Variants in MACF1 observed in about 807,000 individuals in gnomAD.
The protein encoded by MACF1 is microtubule-actin cross-linking factor 1.
A neutral mutation model predicts 854.8 loss-of-function variants in MACF1; 193 were observed. The observed-to-expected ratio is 0.23, with a 90% confidence interval of 0.20 to 0.25. The LOEUF (loss-of-function observed/expected upper bound fraction) is 0.25. Ranked by LOEUF, MACF1 falls within the 10% of genes least tolerant of loss-of-function variation. The probability of loss-of-function intolerance (pLI) is 1.00; values close to 1 mark genes in which losing one functional copy is unlikely to be tolerated. For missense variants in MACF1, 7,722 were observed against 8,929.1 expected, an observed-to-expected ratio of 0.86 and a Z score of 5.45; for synonymous variants, 3,185 against 3,226.7, an observed-to-expected ratio of 0.99 and a Z score of 0.44.
chr1:39,232,754 T>TG (rs1553174803), intron 2 of MACF1, among the ~76,000 whole-genome samples: 3 of 58,432 alleles, frequency 5.1e-5, no homozygotes, highest in South Asian at 1.8e-3. Flanking sequence ...TTGTTTTTTT[T>TG]TTTTTTTTTT....
Position 39,388,495 on chromosome 1 carries a change from C to T in MACF1, c.15653C>T (p.Ala5218Val), listed in dbSNP as rs774992476. The T allele has an allele frequency of 2.5e-6, 4 of 1,614,136 alleles. No homozygotes were observed. Among genetic ancestry groups the T allele is most frequent in the Non-Finnish European group, 8.5e-7 (1 of 1,180,018 alleles). The stretch of plus-strand genomic sequence containing the variant: ...GGCAAACTGACAGAGAGGGGGAAAG[C>T]TCGTCAGGAACAGCTGGAACTGACA... ...QCGKLTERGKARQEQLELTLG... is the reference protein window; with the variant it reads ...QCGKLTERGKVRQEQLELTLG... The change falls in exon 58 of 101, where the codon GCT (alanine) becomes GTT (valine). Residue 5218 changes from alanine to valine, a missense_variant. Ala to Val is a moderately conservative substitution (Grantham distance 64, BLOSUM62 0). Transcript: ENST00000564288.
chr1:39,155,951 G>A (rs1364440603), intron 2 of MACF1, among the ~76,000 whole-genome samples: 3 of 151,628 alleles, frequency 2.0e-5, no homozygotes, highest in Admixed American at 6.6e-5. Context: ...GCAGTGGCGC[G>A]ATCTAGGCTC....
At chr1:39,143,593 G>A (rs542317677) in intron 2 of MACF1, among the ~76,000 whole-genome samples, 17 of 152,176 alleles carry the variant, frequency 1.1e-4, no homozygotes, top group African/African-American at 3.4e-4. Context: ...GTTATTTGCA[G>A]ACCCCAACTT....
chr1:39,432,702 A>G, intron 67 of MACF1, 48 bp downstream of exon 67: 1 of 1,563,098 alleles, frequency 6.4e-7, no homozygotes, highest in Non-Finnish European at 8.7e-7. Context: ...AGTAACTTAG[A>G]GTGACTAGGA....
At chr1:39,419,453 CATTTCAG>C (rs1324213982) in intron 58 of MACF1, among the ~76,000 whole-genome samples, 1 of 152,132 alleles carries the variant, frequency 6.6e-6, no homozygotes, top group African/African-American at 2.4e-5. Context: ...CTCATTGGAG[CATTTCAG>C]ATTTCAGATT....
intron 2 of MACF1, among the ~76,000 whole-genome samples, chr1:39,197,274 G>T (rs985844556): frequency 1.3e-5 from 2 of 151,596 alleles, no homozygotes; most frequent in Non-Finnish European, 2.9e-5. Flanking sequence ...CTGCAGATAG[G>T]CAGGCTTTTT....
chr1:39,287,195 AT>A (rs1645662064), intron 14 of MACF1, 90 bp from the exon 15 acceptor site: 2 of 1,348,282 alleles, frequency 1.5e-6, no homozygotes, highest in African/African-American at 3.0e-5. Context: ...TATTTTTATC[AT>A]ATCTTTGTCA....
intron 80 of MACF1, among the ~76,000 whole-genome samples, chr1:39,446,401 C>A (rs1425243112): frequency 2.0e-5 from 3 of 151,412 alleles, no homozygotes; most frequent in Non-Finnish European, 4.4e-5. Context: ...ATATTAATTT[C>A]TAAACATTTC....
At position 39,209,511 on chromosome 1, in the gene MACF1, G is replaced by T. The variant is rs6683629; in HGVS notation, c.109+4380G>T. ...CCTTACCTGTAAAGTGAAGGAGTTG[G>T]ATAATATGATCTTTTAAAGTTCTCT... is the stretch of plus-strand genomic sequence containing the variant. On this transcript the variant is annotated intron_variant, in intron 1 of 100. Transcript: ENST00000564288. Among the ~76,000 whole-genome samples, 3 of 152,200 alleles carry T rather than the reference G, an allele frequency of 2.0e-5. No homozygotes were observed. In the East Asian group the frequency reaches 5.8e-4, roughly 29 times the overall value.
intron 99 of MACF1, among the ~76,000 whole-genome samples, chr1:39,483,979 G>A (rs1388011272): frequency 2.0e-5 from 3 of 152,002 alleles, no homozygotes; most frequent in Admixed American, 6.6e-5. Context: ...GTGAAACCCC[G>A]TCTCCACTAA....
At position 39,258,247 on chromosome 1, in the gene MACF1, T is replaced by C. The variant is rs34042629; in HGVS notation, c.528+219T>C. The stretch of plus-strand genomic sequence containing the variant: ...TTATTTGCTTAATTAAATGGAGGGA[T>C]TTTTTTACCCATTTGTGGTTTGGCC... On this transcript the variant is annotated intron_variant, in intron 6 of 100. Transcript: ENST00000564288. Among the ~76,000 whole-genome samples the C allele has an allele frequency of 7.2e-3, 1,099 of 152,316 alleles. 12 individuals are homozygous for C. The highest frequency in any genetic ancestry group is 0.01 in the Non-Finnish European group (685 of 68,018).
intron 2 of MACF1, among the ~76,000 whole-genome samples, chr1:39,248,255 G>A (rs1005168184): frequency 5.9e-5 from 9 of 151,714 alleles, no homozygotes; most frequent in African/African-American, 2.2e-4. Flanking sequence ...CTTTACGTAT[G>A]TTTCCATTCT....
intron 69 of MACF1, 54 bp from the exon 70 acceptor site, chr1:39,435,504 A>G: frequency 7.0e-7 from 1 of 1,418,630 alleles, no homozygotes; most frequent in Non-Finnish European, 9.8e-7. Context: ...AAGTATCTAA[A>G]TACATAAACT....
chr1:39,251,664 G>A, intron 3 of MACF1, among the ~76,000 whole-genome samples, 182 bp from the exon 4 acceptor site: 1 of 152,236 alleles, frequency 6.6e-6, no homozygotes, highest in East Asian at 1.9e-4. Flanking sequence ...TTCATCATAA[G>A]AAGTGTTCAA....
intron 2 of MACF1, among the ~76,000 whole-genome samples, chr1:39,149,342 G>A (rs1643527564): frequency 6.6e-6 from 1 of 152,042 alleles, no homozygotes; most frequent in African/African-American, 2.4e-5. Flanking sequence ...GACCAGTATG[G>A]TGAAACCCCG....
intron 58 of MACF1, among the ~76,000 whole-genome samples, chr1:39,393,881 GA>G (rs1642161458): frequency 7.0e-6 from 1 of 142,416 alleles, no homozygotes; most frequent in African/African-American, 2.9e-5. Flanking sequence ...AAGAGAGAAA[GA>G]AAAGAAAGGA....
intron 58 of MACF1, among the ~76,000 whole-genome samples, chr1:39,407,977 G>A (rs183815179): frequency 3.3e-5 from 5 of 152,086 alleles, no homozygotes; most frequent in Admixed American, 2.0e-4. Flanking sequence ...TACTTTCTTT[G>A]TTTAACAGTC....
At chr1:39,448,528 C>A (rs1644272988) in intron 83 of MACF1, 66 bp from the exon 84 acceptor site, 3 of 1,347,582 alleles carry the variant, frequency 2.2e-6, no homozygotes, top group Non-Finnish European at 3.0e-6. Context: ...AACTCAAATT[C>A]TTTTGTTCCA....
At chr1:39,296,728 TA>T (rs1219038304) in intron 20 of MACF1, among the ~76,000 whole-genome samples, 2 of 71,766 alleles carry the variant, frequency 2.8e-5, no homozygotes, top group Non-Finnish European at 4.9e-5. Context: ...AGTGTCTAAA[TA>T]AAAAGAAAGA....
Sources: allele counts gnomAD v4.1 joint callset (sites outside exome capture counted in the v4.1 genomes callset), GRCh38; gene constraint gnomAD v4.1.1; transcripts MANE v1.5; gene names NCBI Gene and HGNC (gene_info 2026-07-23, HGNC 2026-07-21).